The following PCDHGA8 variants were observed in gnomAD, a reference collection of about 807,000 sequenced individuals.
The protein encoded by PCDHGA8 is protocadherin gamma-A8.
A neutral mutation model predicts 59.2 loss-of-function variants in PCDHGA8; 45 were observed. The observed-to-expected ratio is 0.76, with a 90% CI of 0.60 to 0.98. The LOEUF (loss-of-function observed/expected upper bound fraction) is 0.98, where lower values mean the gene tolerates loss of function less well. Ranked by LOEUF, PCDHGA8 falls within the 50% of genes least tolerant of loss-of-function variation. The pLI, the probability that PCDHGA8 is intolerant of heterozygous loss-of-function variation, is 0.00. For missense variants in PCDHGA8, 1,257 were observed against 1,196.2 expected (o/e 1.05, Z -0.75); for synonymous variants, 531 against 519.0 (o/e 1.02, Z -0.32).
intron 1 of PCDHGA8, chr5:141,399,034 C>T: frequency 6.2e-7 from 1 of 1,613,796 alleles, no homozygotes; most frequent in Non-Finnish European, 8.5e-7. Context: ...TCAAAAGAAA[C>T]TGGATTTTGA....
intron 1 of PCDHGA8, chr5:141,441,396 C>T (rs2098244328): frequency 6.5e-6 from 1 of 154,724 alleles, no homozygotes; most frequent in Admixed American, 6.5e-5. Flanking sequence ...GGTATAACAT[C>T]AGCATCACTG....
chr5:141,511,288 C>G lies in PCDHGA8; in HGVS notation c.*115C>G. ...CTAACCCCCAGAATACTGGTAGGGG[C>G]CAAGGCCATGCTCCCCTTGGGAAAC... On this transcript the variant is annotated 3_prime_UTR_variant, in exon 4 of 4. Transcript: ENST00000398604. 6.6e-7 allele frequency: 1 copy of G among 1,518,266 alleles called. No homozygotes were observed. The highest frequency in any genetic ancestry group is 8.9e-7 in the Non-Finnish European group (1 of 1,129,706). The allele number at this position is 1,518,266 out of a possible 1,614,324, so 94.0% of individuals were successfully genotyped here.
At chr5:141,507,349 A>G (rs537480798) in intron 3 of PCDHGA8, 1 of 152,236 alleles carries the variant, frequency 6.6e-6, no homozygotes, top group African/African-American at 2.4e-5. Flanking sequence ...CTGAAATTCA[A>G]ATTTAACTGG....
At position 141,395,102 on chromosome 5, in the gene PCDHGA8, G is replaced by T. The variant is rs766050798; in HGVS notation, c.2289G>T (p.Ser763=). Residue 763 remains serine (S), a synonymous_variant, in exon 1 of 4, where the codon TCG becomes TCT. Transcript: ENST00000398604. The part of the protein sequence containing the change: ...YSQEVSLTAD[S]RKSHLIFPQP... Reference sequence around the variant, plus strand: ...AGGAAGTCTCCCTCACCGCCGACTCGCGGAAGAGTCACCTGATCTTTCCCC... The same window carrying T: ...AGGAAGTCTCCCTCACCGCCGACTCTCGGAAGAGTCACCTGATCTTTCCCC... The T allele has an allele frequency of 1.9e-6, 3 of 1,614,172 alleles. No homozygotes were observed. The highest frequency in any genetic ancestry group is 1.1e-5 in the South Asian group (1 of 91,082).
chr5:141,512,068 C>T lies in PCDHGA8; in HGVS notation c.*895C>T, dbSNP rs1215311369. 6.6e-6 allele frequency: 1 copy of T among 152,664 alleles called. No individual in the cohort carries two copies. The highest frequency in any genetic ancestry group is 1.5e-5 in the Non-Finnish European group (1 of 68,066). The allele number at this position is 152,664 out of a possible 1,614,324, so 9.5% of individuals were successfully genotyped here. On this transcript the variant is annotated 3_prime_UTR_variant, in exon 4 of 4. Transcript: ENST00000398604. The stretch of plus-strand genomic sequence containing the variant: ...TCCTCAGGGGACTGACAACATCCTC[C>T]AGATTCCAGCCATAAACCAATAACT...
chr5:141,475,721 G>A (rs867365261), intron 1 of PCDHGA8, among the ~76,000 whole-genome samples: 1 of 152,248 alleles, frequency 6.6e-6, no homozygotes. Context: ...ACAGCCCCAA[G>A]GCTGGCTTTC....
Position 141,458,000 on chromosome 5 carries a change from A to G in PCDHGA8, c.2425-36807A>G, listed in dbSNP as rs1047291886. ...CACCCTTTCAGTTAAAGCCTTGGCA[A>G]AATAACCGGTTTTTCCAATTGTGTT... On this transcript the variant is annotated intron_variant, in intron 1 of 3. Coordinates refer to ENST00000398604, the MANE Select transcript of PCDHGA8 (RefSeq NM_032088.2). Among the ~76,000 whole-genome samples, 4 of 152,214 alleles carry G rather than the reference A, an allele frequency of 2.6e-5. No homozygotes were observed. In the East Asian group the frequency reaches 5.8e-4, roughly 22 times the overall value.
intron 1 of PCDHGA8, among the ~76,000 whole-genome samples, chr5:141,452,835 C>A (rs2098750110): frequency 6.6e-6 from 1 of 152,154 alleles, no homozygotes; most frequent in Admixed American, 6.5e-5. Flanking sequence ...TCACTTGGTC[C>A]AGCCCACACT....
At chr5:141,462,036 G>T (rs760555655) in intron 1 of PCDHGA8, among the ~76,000 whole-genome samples, 6 of 151,978 alleles carry the variant, frequency 3.9e-5, no homozygotes, top group Non-Finnish European at 8.8e-5. Flanking sequence ...TTGGTCAGGC[G>T]GGTCTTGAAC....
At chr5:141,450,506 G>A (rs2098682958) in intron 1 of PCDHGA8, among the ~76,000 whole-genome samples, 2 of 151,914 alleles carry the variant, frequency 1.3e-5, no homozygotes, top group Admixed American at 6.6e-5. Context: ...TTTGTTTTGA[G>A]ATGGAGTCTC....
intron 1 of PCDHGA8, among the ~76,000 whole-genome samples, chr5:141,464,440 T>C (rs566597587): frequency 6.6e-6 from 1 of 151,608 alleles, no homozygotes; most frequent in South Asian, 2.1e-4. Context: ...TATATGTTTG[T>C]TGTTGTTGTT....
intron 1 of PCDHGA8, among the ~76,000 whole-genome samples, chr5:141,471,992 C>T (rs2099268578): frequency 6.6e-6 from 1 of 152,070 alleles, no homozygotes; most frequent in Non-Finnish European, 1.5e-5. Flanking sequence ...TATTAAAAAT[C>T]CCTGCATCGT....
chr5:141,423,241 G>A (rs1485226833), intron 1 of PCDHGA8: 19 of 1,613,954 alleles, frequency 1.2e-5, no homozygotes, highest in Non-Finnish European at 1.4e-5. Flanking sequence ...CATCCCCGAA[G>A]TCCTGGCGGA....
At chr5:141,450,885 T>C (rs1262944058) in intron 1 of PCDHGA8, among the ~76,000 whole-genome samples, 1 of 149,238 alleles carries the variant, frequency 6.7e-6, no homozygotes, top group African/African-American at 2.5e-5. Context: ...TGTGCAGTGG[T>C]GCGATATCGG....
rs779981011 is a variant in PCDHGA8 at position 141,395,287 on chromosome 5, G to T, written c.2424+50G>T. 11 of 1,533,118 alleles carry T rather than the reference G, an allele frequency of 7.2e-6. No homozygotes were observed. The South Asian group carries it at 1.3e-4, about 18-fold the overall frequency. 95.0% of individuals were successfully genotyped at this position (1,533,118 alleles called of 1,614,324 possible). A position where few individuals can be genotyped will look rare whatever the true frequency, so the allele number is the denominator to read the frequency against. On this transcript the variant is annotated intron_variant, in intron 1 of 3. Transcript: ENST00000398604. ...TTAATTTCCAGATGAATTTTATTTG[G>T]CATAAATTATGTTTTGAAAAACATT...
At chr5:141,508,835 C>T (rs1190105775) in intron 3 of PCDHGA8, among the ~76,000 whole-genome samples, 12 of 152,158 alleles carry the variant, frequency 7.9e-5, no homozygotes, top group African/African-American at 2.9e-4. Flanking sequence ...CCCCCCTCCC[C>T]TACCCCTTCC....
In PCDHGA8 at chr5:141,432,808, C is replaced by G. The variant is rs1473886709; in HGVS notation, c.2424+37571C>G. ...TCGGCAGCCTCGAGTCTCCAGCTAA[C>G]TCTGAAACCTCAGACCTCACTCTGT... is the stretch of plus-strand genomic sequence containing the variant. On this transcript the variant is annotated intron_variant, in intron 1 of 3. Coordinates refer to ENST00000398604, the MANE Select transcript of PCDHGA8 (RefSeq NM_032088.2). This position sits in a 1 kb window ranked among gnomAD's most constrained non-coding sequence, Gnocchi z 6.0. 2 of 1,613,486 alleles carry G rather than the reference C, an allele frequency of 1.2e-6. No individual in the cohort carries two copies. Among genetic ancestry groups the G allele is most frequent in the Non-Finnish European group, 1.7e-6 (2 of 1,180,008 alleles).
intron 1 of PCDHGA8, chr5:141,400,209 G>C: frequency 3.1e-6 from 5 of 1,614,052 alleles, no homozygotes; most frequent in Non-Finnish European, 4.2e-6. Context: ...CCTTGGCCTT[G>C]ATCTCAGTGC....
chr5:141,410,153 C>G (rs200651346), intron 1 of PCDHGA8: 9 of 1,612,786 alleles, frequency 5.6e-6, no homozygotes. Context: ...TGACGGTGGA[C>G]AGCCGCCACT....
Sources: allele counts gnomAD v4.1 joint callset (sites outside exome capture counted in the v4.1 genomes callset), GRCh38; gene constraint gnomAD v4.1.1; non-coding constraint Gnocchi (gnomAD v3.1); transcripts MANE v1.5; gene names NCBI Gene and HGNC (gene_info 2026-07-23, HGNC 2026-07-21).